Variants in OXCT1 observed in about 807,000 individuals in gnomAD.
OXCT1 encodes the protein 3-oxoacid CoA-transferase 1, also known as succinyl-CoA:3-ketoacid coenzyme A transferase 1, mitochondrial.
In OXCT1, 27 loss-of-function variants were observed where a neutral mutation model predicts 69.6. That is an observed-to-expected ratio of 0.39 (90% CI 0.29 to 0.54). OXCT1 has a LOEUF of 0.54. Ranked by LOEUF, OXCT1 falls within the 20% of genes least tolerant of loss-of-function variation. The pLI is 0.72. For missense variants in OXCT1, 437 were observed against 650.2 expected (o/e 0.67, Z 3.57); for synonymous variants, 202 against 217.8 (o/e 0.93, Z 0.64).
intron 13 of OXCT1, among the ~76,000 whole-genome samples, chr5:41,777,726 C>T (rs1380436483): frequency 6.6e-6 from 1 of 152,132 alleles, no homozygotes; most frequent in African/African-American, 2.4e-5. Flanking sequence ...ACAAAGCTTT[C>T]CAATGTGCTT....
chr5:41,820,358 T>C (rs1747487622), intron 7 of OXCT1, among the ~76,000 whole-genome samples: 1 of 152,158 alleles, frequency 6.6e-6, no homozygotes, highest in Admixed American at 6.5e-5. Flanking sequence ...GATTTCGCAA[T>C]ACTTTCCAAA....
chr5:41,799,413 T>C (rs1746327310), intron 11 of OXCT1, among the ~76,000 whole-genome samples: 1 of 152,196 alleles, frequency 6.6e-6, no homozygotes, highest in Non-Finnish European at 1.5e-5. Flanking sequence ...AATGAATTCT[T>C]GCTTTGTAAA....
chr5:41,783,595 T>C (rs1185991339), intron 13 of OXCT1, among the ~76,000 whole-genome samples: 4 of 152,206 alleles, frequency 2.6e-5, no homozygotes, highest in Non-Finnish European at 4.4e-5. Flanking sequence ...ATCAAACTCA[T>C]TCATTGTTCA....
At chr5:41,814,528 T>A (rs1036936880) in intron 7 of OXCT1, among the ~76,000 whole-genome samples, 1 of 151,990 alleles carries the variant, frequency 6.6e-6, no homozygotes, top group African/African-American at 2.4e-5. Context: ...ATATACACCA[T>A]GGAATACTAT....
intron 13 of OXCT1, among the ~76,000 whole-genome samples, chr5:41,791,466 C>T (rs1008259965): frequency 2.0e-5 from 3 of 152,178 alleles, no homozygotes; most frequent in African/African-American, 7.2e-5. Flanking sequence ...TCACAGGAAT[C>T]TTAACAGGAT....
intron 1 of OXCT1, among the ~76,000 whole-genome samples, chr5:41,869,193 G>T (rs766828360): frequency 4.7e-4 from 71 of 152,140 alleles, no homozygotes; most frequent in Non-Finnish European, 9.7e-4. Flanking sequence ...AGCACCTACC[G>T]AAGGAGCTCA....
At chr5:41,846,818 G>A (rs1748930541) in intron 5 of OXCT1, among the ~76,000 whole-genome samples, 1 of 152,104 alleles carries the variant, frequency 6.6e-6, no homozygotes, top group South Asian at 2.1e-4. Context: ...TTTAATGATT[G>A]CCATTCTAAC....
At chr5:41,732,237 A>G (rs1345275251) in intron 16 of OXCT1, among the ~76,000 whole-genome samples, 1 of 152,236 alleles carries the variant, frequency 6.6e-6, no homozygotes, top group African/African-American at 2.4e-5. Context: ...CATATTAATG[A>G]AGAGACGTAT....
At chr5:41,826,279 G>A (rs1001092651) in intron 7 of OXCT1, among the ~76,000 whole-genome samples, 1 of 152,058 alleles carries the variant, frequency 6.6e-6, no homozygotes, top group African/African-American at 2.4e-5. Context: ...TTTAGGAATC[G>A]GAGGCATTAT....
chr5:41,865,053 A>C (rs1261064268), intron 1 of OXCT1, among the ~76,000 whole-genome samples: 1 of 152,164 alleles, frequency 6.6e-6, no homozygotes, highest in Non-Finnish European at 1.5e-5. Flanking sequence ...GAGGCTTTTT[A>C]CATTAAGGTA....
At chr5:41,828,532 C>CAT (rs1747931854) in intron 7 of OXCT1, among the ~76,000 whole-genome samples, 1 of 152,090 alleles carries the variant, frequency 6.6e-6, no homozygotes. Flanking sequence ...GTAATTATAT[C>CAT]ATATTAATGT....
At chr5:41,823,183 C>A (rs1402773531) in intron 7 of OXCT1, among the ~76,000 whole-genome samples, 4 of 152,174 alleles carry the variant, frequency 2.6e-5, no homozygotes, top group Non-Finnish European at 2.9e-5. Flanking sequence ...GTATCCCCAG[C>A]ACTTGTCTCT....
chr5:41,847,771 G>A (rs1214490497), intron 5 of OXCT1, among the ~76,000 whole-genome samples: 3 of 152,042 alleles, frequency 2.0e-5, no homozygotes, highest in African/African-American at 7.2e-5. Context: ...GTATTGATGG[G>A]ACATATCTCA....
At chr5:41,807,005 C>A (rs1746712516) in intron 8 of OXCT1, among the ~76,000 whole-genome samples, 1 of 151,954 alleles carries the variant, frequency 6.6e-6, no homozygotes, top group South Asian at 2.1e-4. Flanking sequence ...GATAAAACCA[C>A]CAAAGACATG....
chr5:41,869,988 G>T, intron 1 of OXCT1: 4 of 455,074 alleles, frequency 8.8e-6, no homozygotes, highest in South Asian at 6.3e-5. Flanking sequence ...GCGCCAAAGG[G>T]CTCGGGAGCG....
intron 11 of OXCT1, among the ~76,000 whole-genome samples, chr5:41,799,476 G>A (rs1216725310): frequency 2.6e-5 from 4 of 152,110 alleles, no homozygotes; most frequent in Non-Finnish European, 4.4e-5. Context: ...TAAAATTGGT[G>A]GAAATATAAA....
chr5:41,750,077 C>G (rs906174477), intron 14 of OXCT1, among the ~76,000 whole-genome samples: 1 of 150,984 alleles, frequency 6.6e-6, no homozygotes, highest in African/African-American at 2.4e-5. Context: ...AGTGCCTTGC[C>G]TCCCTTCCCC....
chr5:41,773,565 C>T (rs915237910), intron 13 of OXCT1, among the ~76,000 whole-genome samples: 11 of 152,024 alleles, frequency 7.2e-5, no homozygotes, highest in Non-Finnish European at 1.6e-4. Context: ...CCAACCAACG[C>T]ACTCCAGCCT....
At chr5:41,731,901 AT>A (rs1742652336) in intron 16 of OXCT1, 131 bp from the exon 17 acceptor site, 2 of 1,105,324 alleles carry the variant, frequency 1.8e-6, no homozygotes, top group East Asian at 5.2e-5. Flanking sequence ...GAGTTTCCAT[AT>A]GATTTTCCAT....
Sources: gnomAD v4.1 joint callset for allele counts (sites outside exome capture counted in the v4.1 genomes callset) on GRCh38, gnomAD v4.1.1 for gene constraint, MANE v1.5 for transcripts, NCBI Gene and HGNC (gene_info 2026-07-23, HGNC 2026-07-21) for gene names.